The following PIK3R5 variants were observed in gnomAD, a reference collection of about 807,000 sequenced individuals.
PIK3R5 encodes phosphoinositide-3-kinase regulatory subunit 5, also known as phosphoinositide 3-kinase regulatory subunit 5.
In PIK3R5, 32 loss-of-function variants were observed where a neutral mutation model predicts 94.9. The ratio of observed to expected loss-of-function variants is 0.34; its 90% CI spans 0.25 to 0.45. The LOEUF (loss-of-function observed/expected upper bound fraction) is 0.45. PIK3R5 is among the 20% of genes least tolerant of loss of function. The pLI is 1.00. For missense variants in PIK3R5, 853 were observed against 1,144.6 expected (o/e 0.75, Z 3.68); for synonymous variants, 443 against 479.4 (o/e 0.92, Z 0.99).
chr17:8,953,464 A>T (rs1290521239), intron 1 of PIK3R5, among the ~76,000 whole-genome samples: 1 of 152,150 alleles, frequency 6.6e-6, no homozygotes, highest in Non-Finnish European at 1.5e-5. Flanking sequence ...TTTGCACAGT[A>T]AAGCAAATCC....
intron 1 of PIK3R5, among the ~76,000 whole-genome samples, chr17:8,917,016 C>T (rs1173302991): frequency 6.6e-6 from 1 of 152,194 alleles, no homozygotes; most frequent in African/African-American, 2.4e-5. Flanking sequence ...CCTCCCTCTC[C>T]TGCTTCTTAC....
rs1302511113 is a variant in PIK3R5, at chr17:8,893,482, G to A, written c.482+104C>T. On this transcript the variant is annotated intron_variant, in intron 6 of 18. Coordinates refer to ENST00000447110, the MANE Select transcript of PIK3R5 (RefSeq NM_001142633.3). The surrounding 1 kb of genome is among the most constrained non-coding windows in gnomAD (Gnocchi z 5.1). The stretch of plus-strand genomic sequence containing the variant: ...TGTTGCTGGCTGGGGTGGACAGGGG[G>A]TGGGGGCACTGGATGTTTGAGTGGG... 2.2e-6 allele frequency: 2 copies of A among 892,950 alleles called. No individual in the cohort carries two copies. Among genetic ancestry groups the A allele is most frequent in the Non-Finnish European group, 1.9e-6 (1 of 539,008 alleles). 55.3% of individuals were successfully genotyped at this position (892,950 alleles called of 1,614,324 possible).
intron 14 of PIK3R5, 139 bp downstream of exon 14, chr17:8,886,090 C>T (rs1446690807): frequency 1.4e-5 from 9 of 662,474 alleles, no homozygotes; most frequent in Non-Finnish European, 1.9e-5. Flanking sequence ...CCGGTAACCC[C>T]GTCTCCCCAG....
intron 1 of PIK3R5, among the ~76,000 whole-genome samples, chr17:8,960,591 T>C (rs1008438945): frequency 2.6e-5 from 4 of 152,176 alleles, no homozygotes; most frequent in African/African-American, 4.8e-5. Flanking sequence ...ACATAAAGCA[T>C]TGAGTGCCAG....
In PIK3R5 at chr17:8,881,805, C is replaced by T. The variant is rs201281083; in HGVS notation, c.2282G>A (p.Arg761Gln). ...CCACTCACCCAGCTCCTCCTGCTTCCGGCAGGCCTTGTTGAGGTTCACGGA... is the reference window on the plus strand; with the variant it reads ...CCACTCACCCAGCTCCTCCTGCTTCTGGCAGGCCTTGTTGAGGTTCACGGA... Reference protein sequence around the residue: ...CTSVNLNKACRKQEELDSSME... With the variant: ...CTSVNLNKACQKQEELDSSME... Residue 761 changes from arginine (R) to glutamine (Q), a missense_variant, in exon 16 of 19, where the codon CGG (arginine) becomes CAG (glutamine). Transcript: ENST00000447110. This position sits in a 1 kb window ranked among gnomAD's most constrained non-coding sequence, Gnocchi z 4.8. 3.2e-5 allele frequency: 51 copies of T among 1,614,084 alleles called. No homozygotes were observed. The Admixed American group carries it at 3.8e-4, about 12-fold the overall frequency.
intron 1 of PIK3R5, among the ~76,000 whole-genome samples, chr17:8,958,544 G>T (rs1173609392): frequency 6.6e-6 from 1 of 152,178 alleles, no homozygotes; most frequent in African/African-American, 2.4e-5. Context: ...AGGAATTGAA[G>T]AAAACGTCCT....
chr17:8,938,563 C>G (rs12602911), intron 1 of PIK3R5, among the ~76,000 whole-genome samples: 2 of 152,208 alleles, frequency 1.3e-5, no homozygotes, highest in East Asian at 3.8e-4. Flanking sequence ...CCTCTGGCAA[C>G]CAGTCATCTA....
At chr17:8,931,836 C>G (rs1418080795) in intron 1 of PIK3R5, among the ~76,000 whole-genome samples, 2 of 152,150 alleles carry the variant, frequency 1.3e-5, no homozygotes, top group Non-Finnish European at 2.9e-5. Flanking sequence ...CTGGATACCT[C>G]AGTCATTCAT....
intron 1 of PIK3R5, among the ~76,000 whole-genome samples, chr17:8,954,084 GA>G (rs2091426291): frequency 6.6e-6 from 1 of 151,384 alleles, no homozygotes; most frequent in Non-Finnish European, 1.5e-5. Flanking sequence ...AAGAAAAAAA[GA>G]AAAAAGAAAA....
intron 1 of PIK3R5, among the ~76,000 whole-genome samples, chr17:8,913,717 G>A (rs1309738254): frequency 2.0e-5 from 3 of 152,132 alleles, no homozygotes; most frequent in Admixed American, 6.5e-5. Context: ...ATCTCAAAAA[G>A]AAAACAAAAA....
At chr17:8,931,840 C>T (rs2090992146) in intron 1 of PIK3R5, among the ~76,000 whole-genome samples, 1 of 152,318 alleles carries the variant, frequency 6.6e-6, no homozygotes, top group South Asian at 2.1e-4. Context: ...ATACCTCAGT[C>T]ATTCATCTGA....
rs115222411 is a variant in PIK3R5 at position 8,903,630 on chromosome 17, C to T, written c.412+1147G>A. Among the ~76,000 whole-genome samples, 1,233 of 151,794 alleles carry T rather than the reference C, an allele frequency of 8.1e-3. 14 individuals carry two copies. Among genetic ancestry groups the T allele is most frequent in the African/African-American group, 0.028 (1,162 of 41,492 alleles). On this transcript the variant is annotated intron_variant, in intron 5 of 18. Transcript: ENST00000447110. ...ACAATATTGATTCAACCCAGCAATA[C>T]GATTCTTCAATTATTCATTCTTCAG...
intron 5 of PIK3R5, among the ~76,000 whole-genome samples, chr17:8,900,974 G>A (rs2090268725): frequency 6.6e-6 from 1 of 152,166 alleles, no homozygotes; most frequent in Admixed American, 6.5e-5. Flanking sequence ...GTCTTTGGTG[G>A]AAACCCAACG....
chr17:8,920,488 A>C (rs2090718899), intron 1 of PIK3R5, among the ~76,000 whole-genome samples: 1 of 152,186 alleles, frequency 6.6e-6, no homozygotes, highest in African/African-American at 2.4e-5. Context: ...GCCTGGAACG[A>C]AGGATAATCA....
chr17:8,898,144 T>G (rs2090194271), intron 5 of PIK3R5, among the ~76,000 whole-genome samples: 1 of 152,120 alleles, frequency 6.6e-6, no homozygotes, highest in Admixed American at 6.5e-5. Flanking sequence ...CTTCAAGAGG[T>G]CTAACCTTTC....
Position 8,879,974 on chromosome 17 carries a change from C to T in PIK3R5, c.*665G>A, listed in dbSNP as rs1193248066. On this transcript the variant is annotated 3_prime_UTR_variant, in exon 19 of 19. Transcript: ENST00000447110. The surrounding 1 kb of genome is among the most constrained non-coding windows in gnomAD (Gnocchi z 4.4). ...TCCTGTCTTCTAAGAATCTCAGATT[C>T]CAAAAGGAGATCAAGAGAGAATCTG... 1 of 152,134 alleles carries T rather than the reference C, an allele frequency of 6.6e-6. No individual in the cohort carries two copies. The highest frequency in any genetic ancestry group is 1.9e-4 in the East Asian group (1 of 5,198). The allele number at this position is 152,134 out of a possible 1,614,324, so 9.4% of individuals were successfully genotyped here.
In PIK3R5 at chr17:8,959,419, C is replaced by CTGTG. The variant is rs34656716; in HGVS notation, c.-14+6173_-14+6176dup. Among the ~76,000 whole-genome samples the CTGTG allele has an allele frequency of 1.3e-4, 19 of 150,908 alleles. No individual in the cohort carries two copies. The South Asian group carries it at 1.3e-3, about 10-fold the overall frequency. On this transcript the variant is annotated intron_variant, in intron 1 of 18. Coordinates refer to ENST00000447110, the MANE Select transcript of PIK3R5 (RefSeq NM_001142633.3). ...TATGCAAAACTTTGAGCGAGAGAGACTGTGTGTGTGTGTGTGTGTGTGCAC... is the reference window on the plus strand; with the variant it reads ...TATGCAAAACTTTGAGCGAGAGAGACTGTGTGTGTGTGTGTGTGTGTGTGTGCAC...
chr17:8,946,174 T>TA (rs34479096), intron 1 of PIK3R5, among the ~76,000 whole-genome samples: 124,292 of 151,772 alleles, frequency 0.82, 51,150 homozygotes, highest in Non-Finnish European at 0.86. Flanking sequence ...TACACAGCAA[T>TA]GTATCTGGAA....
rs147877931 is a variant in PIK3R5, at chr17:8,937,264, C to T, written c.-13-25757G>A. Among the ~76,000 whole-genome samples the T allele has an allele frequency of 6.0e-3, 913 of 152,252 alleles. 15 individuals carry two copies. The highest frequency in any genetic ancestry group is 0.021 in the African/African-American group (855 of 41,542). On this transcript the variant is annotated intron_variant, in intron 1 of 18. Transcript: ENST00000447110. ...CTCCTTTTCTTATATTTTTGCTTTA[C>T]GTAGGACTTCCAGTACGATGTTAAA...
Sources: gnomAD v4.1 joint callset for allele counts (sites outside exome capture counted in the v4.1 genomes callset) on GRCh38, gnomAD v4.1.1 for gene constraint, Gnocchi (gnomAD v3.1) non-coding constraint, MANE v1.5 for transcripts, NCBI Gene and HGNC (gene_info 2026-07-23, HGNC 2026-07-21) for gene names.